The following TBC1D5 variants were observed in gnomAD, a reference collection of about 807,000 sequenced individuals.
The protein encoded by TBC1D5 is TBC1 domain family, member 5.
Under a neutral mutation model 100.3 loss-of-function variants are expected in TBC1D5, and 75 were observed. The observed-to-expected ratio is 0.75, with a 90% CI of 0.62 to 0.91. The LOEUF is 0.91. Ranked by LOEUF, TBC1D5 falls within the 40% of genes least tolerant of loss-of-function variation. The probability of loss-of-function intolerance (pLI) is 0.00; values close to 1 mark genes in which losing one functional copy is unlikely to be tolerated. For synonymous variants in TBC1D5, 323 were observed against 325.6 expected (o/e 0.99, Z 0.09); for missense variants, 910 against 942.4 (o/e 0.97, Z 0.45).
chr3:17,214,220 C>T (rs1400722566), exon 18 of TBC1D5: 1 of 1,611,206 alleles, frequency 6.2e-7, no homozygotes. Context: ...TTCTTTTCTG[C>T]CCATAGTTTT....
intron 2 of TBC1D5, among the ~76,000 whole-genome samples, chr3:17,579,963 C>T (rs896858438): frequency 1.1e-4 from 16 of 151,978 alleles, no homozygotes; most frequent in African/African-American, 3.9e-4. Context: ...AAGTGTGCTC[C>T]GGGGCTGATG....
chr3:17,588,210 A>C (rs1411755482), intron 2 of TBC1D5, among the ~76,000 whole-genome samples: 1 of 151,926 alleles, frequency 6.6e-6, no homozygotes, highest in Non-Finnish European at 1.5e-5. Context: ...GATATAGCCA[A>C]TAAAAGAACA....
At chr3:17,415,929 A>G (rs774924150) in intron 4 of TBC1D5, among the ~76,000 whole-genome samples, 3 of 152,224 alleles carry the variant, frequency 2.0e-5, no homozygotes, top group Non-Finnish European at 4.4e-5. Flanking sequence ...TAACATGATA[A>G]AGAATTTGCC....
intron 2 of TBC1D5, among the ~76,000 whole-genome samples, chr3:17,608,155 G>A (rs973530744): frequency 6.6e-6 from 1 of 152,150 alleles, no homozygotes; most frequent in Non-Finnish European, 1.5e-5. Flanking sequence ...TACTAGGGGG[G>A]CTGAGGCAGG....
chr3:17,318,189 T>G (rs537163955), intron 13 of TBC1D5, among the ~76,000 whole-genome samples: 19 of 126,496 alleles, frequency 1.5e-4, no homozygotes, highest in East Asian at 2.3e-4. Context: ...AGAACACATG[T>G]ACACAGGAAG....
At chr3:17,470,025 C>G (rs1420177863) in intron 3 of TBC1D5, among the ~76,000 whole-genome samples, 1 of 152,092 alleles carries the variant, frequency 6.6e-6, no homozygotes, top group African/African-American at 2.4e-5. Context: ...CTGTGTCACT[C>G]AGTCACTTAT....
At chr3:17,476,230 T>C (rs1468196178) in intron 3 of TBC1D5, among the ~76,000 whole-genome samples, 1 of 151,892 alleles carries the variant, frequency 6.6e-6, no homozygotes, top group Non-Finnish European at 1.5e-5. Context: ...TCCTTTTTGA[T>C]ATTTGAAATT....
intron 13 of TBC1D5, among the ~76,000 whole-genome samples, chr3:17,348,526 A>G (rs369616908): frequency 2.6e-5 from 4 of 152,186 alleles, no homozygotes; most frequent in East Asian, 3.9e-4. Flanking sequence ...AAAACTGGCT[A>G]TAATTATCAC....
chr3:17,292,050 C>A, intron 14 of TBC1D5, 49 bp from the exon 15 acceptor site: 1 of 1,459,148 alleles, frequency 6.9e-7, no homozygotes, highest in South Asian at 1.2e-5. Context: ...TTAAGATATT[C>A]TGCATTGCTG....
At chr3:17,686,909 T>C (rs547280684) in intron 1 of TBC1D5, among the ~76,000 whole-genome samples, 19 of 152,188 alleles carry the variant, frequency 1.2e-4, no homozygotes, top group African/African-American at 4.6e-4. Context: ...TAGCCTAAAA[T>C]GTTAGTAGTG....
At chr3:17,592,497 C>T (rs1023592944) in intron 2 of TBC1D5, among the ~76,000 whole-genome samples, 3 of 152,194 alleles carry the variant, frequency 2.0e-5, no homozygotes. Flanking sequence ...CGGCATTTGG[C>T]ACCTCCTACA....
chr3:17,688,476 C>T (rs1172071857), intron 1 of TBC1D5, among the ~76,000 whole-genome samples: 1 of 152,148 alleles, frequency 6.6e-6, no homozygotes, highest in Non-Finnish European at 1.5e-5. Flanking sequence ...AGCAATCAGC[C>T]ACCTTAGAAA....
intron 13 of TBC1D5, among the ~76,000 whole-genome samples, chr3:17,318,210 C>T (rs1434563584): frequency 8.0e-6 from 1 of 124,362 alleles, no homozygotes; most frequent in Admixed American, 1.1e-4. Flanking sequence ...GGGAACATCA[C>T]ACTCTGGGGA....
intron 21 of TBC1D5, among the ~76,000 whole-genome samples, chr3:17,163,076 C>T (rs1229960516): frequency 2.6e-5 from 4 of 152,166 alleles, no homozygotes; most frequent in East Asian, 1.9e-4. Flanking sequence ...ACAGTGAAGA[C>T]GTCAGTGAGA....
At chr3:17,511,534 G>T (rs1265182123) in intron 2 of TBC1D5, among the ~76,000 whole-genome samples, 1 of 151,878 alleles carries the variant, frequency 6.6e-6, no homozygotes, top group South Asian at 2.1e-4. Flanking sequence ...ATTTTTAAAA[G>T]GAGTATTTTT....
intron 1 of TBC1D5, chr3:17,706,331 G>T (rs1041792078): frequency 7.4e-7 from 1 of 1,352,812 alleles, no homozygotes; most frequent in Non-Finnish European, 1.0e-6. Context: ...GTATACCTTT[G>T]TGAAAGAGCA....
chr3:17,568,484 T>A lies in TBC1D5; in HGVS notation c.-36+55365A>T, dbSNP rs191534797. On this transcript the variant is annotated intron_variant, in intron 2 of 21. Coordinates refer to ENST00000253692, the Ensembl canonical transcript of TBC1D5. ...CTAATAAAAGAACTAATTTTTATAA[T>A]TTCACAGTAAAACTAGGATATTGCA... is the stretch of plus-strand genomic sequence containing the variant. Among the ~76,000 whole-genome samples the A allele has an allele frequency of 1.0e-3, 159 of 151,570 alleles. 2 individuals carry two copies. The South Asian group carries it at 0.018, about 18-fold the overall frequency.
chr3:17,217,001 G>T (rs2073723407), intron 17 of TBC1D5, among the ~76,000 whole-genome samples: 1 of 152,030 alleles, frequency 6.6e-6, no homozygotes, highest in Admixed American at 6.6e-5. Context: ...ACTGAGAAAA[G>T]AAAACTCATG....
chr3:17,243,707 A>T (rs894443074), intron 16 of TBC1D5, among the ~76,000 whole-genome samples: 5 of 150,692 alleles, frequency 3.3e-5, no homozygotes, highest in Admixed American at 6.6e-5. Flanking sequence ...AGTTTAAATT[A>T]AAAAAAAAAT....
Sources: gnomAD v4.1 joint callset for allele counts (sites outside exome capture counted in the v4.1 genomes callset) on GRCh38, gnomAD v4.1.1 for gene constraint, MANE v1.5 for transcripts, NCBI Gene and HGNC (gene_info 2026-07-23, HGNC 2026-07-21) for gene names.